PPFIBP2: variants seen among roughly 807,000 people sequenced by gnomAD.
PPFIBP2 encodes the protein PPFIB scaffold protein 2.
In PPFIBP2, 118 loss-of-function variants were observed where a neutral mutation model predicts 118.3. The ratio of observed to expected loss-of-function variants is 1.00; its 90% CI spans 0.86 to 1.16. The LOEUF (loss-of-function observed/expected upper bound fraction) is 1.16, where lower values mean the gene tolerates loss of function less well. Among genes scored for constraint, PPFIBP2 ranks in the 50% most tolerant of loss-of-function variants. The probability of loss-of-function intolerance (pLI) is 0.00; values close to 1 mark genes in which losing one functional copy is unlikely to be tolerated. For missense variants in PPFIBP2, 1,195 were observed against 1,073.1 expected (o/e 1.11, Z -1.59); for synonymous variants, 414 against 397.4 (o/e 1.04, Z -0.50).
Position 7,653,208 on chromosome 11 carries a change from A to T in PPFIBP2, c.2621A>T (p.Gln874Leu), listed in dbSNP as rs1195525730. ...CTGGATGGGCTGGACCAGGTGGGAC[A>T]GATTAGCTGATGCCCTTGTCACCTG... The part of the protein sequence containing the change: ...PELDGLDQVG[Q>L]IS The change falls in exon 24 of 24, where the codon CAG becomes CTG. Residue 874 changes from glutamine (Q) to leucine (L), a missense_variant. Gln to Leu is a moderately radical substitution (Grantham distance 113). Coordinates refer to ENST00000299492, the MANE Select transcript of PPFIBP2 (RefSeq NM_003621.5). The T allele has an allele frequency of 6.2e-7, 1 of 1,614,152 alleles. No homozygotes were observed. The highest frequency in any genetic ancestry group is 1.7e-5 in the Admixed American group (1 of 60,018).
chr11:7,655,217 T>A (rs1412377457), downstream of PPFIBP2, among the ~76,000 whole-genome samples: 1 of 152,180 alleles, frequency 6.6e-6, no homozygotes, highest in African/African-American at 2.4e-5. Flanking sequence ...GAGGTATGCA[T>A]GCAGTGTGGG....
chr11:7,626,408 A>G (rs925922107), intron 8 of PPFIBP2, among the ~76,000 whole-genome samples: 9 of 152,140 alleles, frequency 5.9e-5, no homozygotes, highest in Admixed American at 2.0e-4. Context: ...CCCTAACTCA[A>G]ATAGGTGCTC....
At chr11:7,603,783 T>C (rs1288630364) in intron 5 of PPFIBP2, among the ~76,000 whole-genome samples, 2 of 152,204 alleles carry the variant, frequency 1.3e-5, no homozygotes, top group Non-Finnish European at 2.9e-5. Context: ...GTGGCAGTTT[T>C]GTCCATTGAT....
At position 7,641,140 on chromosome 11, in the gene PPFIBP2, G is replaced by T; in HGVS notation, c.1376-339G>T. 1.0e-5 allele frequency: 12 copies of T among 1,188,942 alleles called. 1 individual carries two copies. The South Asian group carries it at 1.5e-4, about 15-fold the overall frequency. The allele number at this position is 1,188,942 out of a possible 1,614,324, so 73.6% of individuals were successfully genotyped here. A position where few individuals can be genotyped will look rare whatever the true frequency, so the allele number is the denominator to read the frequency against. Reference sequence around the variant, plus strand: ...CCTACCCTAACCCTCCCCTTCACCAGCACTCAGCCAGGGACCCACTACTGC... The same window carrying T: ...CCTACCCTAACCCTCCCCTTCACCATCACTCAGCCAGGGACCCACTACTGC... On this transcript the variant is annotated intron_variant, in intron 15 of 23. Coordinates refer to ENST00000299492, the MANE Select transcript of PPFIBP2 (RefSeq NM_003621.5).
intron 6 of PPFIBP2, among the ~76,000 whole-genome samples, chr11:7,614,045 G>T (rs59635304): frequency 6.6e-6 from 1 of 152,286 alleles, no homozygotes; most frequent in Admixed American, 6.5e-5. Flanking sequence ...AGGCAACAGA[G>T]TGATGGACTT....
intron 2 of PPFIBP2, among the ~76,000 whole-genome samples, chr11:7,556,194 G>A (rs1590223400): frequency 2.6e-5 from 4 of 152,282 alleles, no homozygotes; most frequent in African/African-American, 7.2e-5. Flanking sequence ...AGTGGCTAAC[G>A]CTTGTAATCC....
intron 1 of PPFIBP2, among the ~76,000 whole-genome samples, chr11:7,529,909 T>C (rs1376178308): frequency 1.3e-5 from 2 of 152,222 alleles, no homozygotes; most frequent in Non-Finnish European, 2.9e-5. Flanking sequence ...TGCCCTGTTT[T>C]GTCAGGTACT....
chr11:7,659,417 CTTGT>C (rs1274454933), downstream of PPFIBP2, among the ~76,000 whole-genome samples: 2 of 143,286 alleles, frequency 1.4e-5, no homozygotes, highest in East Asian at 4.0e-4. Context: ...TTCCCCATTG[CTTGT>C]TTTTCTCAGG....
At chr11:7,603,870 C>T (rs1319206120) in intron 5 of PPFIBP2, among the ~76,000 whole-genome samples, 7 of 152,154 alleles carry the variant, frequency 4.6e-5, no homozygotes, top group Non-Finnish European at 8.8e-5. Context: ...CCCAGACCAC[C>T]TCCCTCCTTA....
At chr11:7,527,344 G>A (rs2134307579) in intron 1 of PPFIBP2, among the ~76,000 whole-genome samples, 1 of 152,146 alleles carries the variant, frequency 6.6e-6, no homozygotes, top group African/African-American at 2.4e-5. Flanking sequence ...TGGCAAGAAT[G>A]GTAGGAAGAG....
chr11:7,555,655 G>T (rs1221183539), intron 2 of PPFIBP2, among the ~76,000 whole-genome samples: 1 of 152,180 alleles, frequency 6.6e-6, no homozygotes, highest in Admixed American at 6.5e-5. Flanking sequence ...TGTCTAAGGG[G>T]CAGAGCTATC....
At chr11:7,538,016 A>G (rs1445613723) in intron 1 of PPFIBP2, among the ~76,000 whole-genome samples, 1 of 152,236 alleles carries the variant, frequency 6.6e-6, no homozygotes, top group Admixed American at 6.5e-5. Context: ...TATCGAGAGC[A>G]GAAATAGGTG....
At chr11:7,580,010 C>A (rs76220158) in intron 3 of PPFIBP2, among the ~76,000 whole-genome samples, 1 of 152,180 alleles carries the variant, frequency 6.6e-6, no homozygotes, top group African/African-American at 2.4e-5. Context: ...GATGAGCCCC[C>A]CTGGACTCAC....
chr11:7,577,357 TG>T, intron 3 of PPFIBP2: 1 of 280,716 alleles, frequency 3.6e-6, no homozygotes, highest in Non-Finnish European at 7.0e-6. Context: ...GTGTGTTTGT[TG>T]GGGTGGTCGG....
intron 1 of PPFIBP2, among the ~76,000 whole-genome samples, chr11:7,533,031 C>G (rs997187357): frequency 8.5e-5 from 7 of 82,218 alleles, no homozygotes; most frequent in Admixed American, 2.1e-4. Flanking sequence ...CAATTCATAT[C>G]TGTTTTTTTT....
chr11:7,635,259 C>CCATAAAG (rs759087925), intron 13 of PPFIBP2, among the ~76,000 whole-genome samples: 7 of 152,112 alleles, frequency 4.6e-5, no homozygotes, highest in Non-Finnish European at 5.9e-5. Context: ...CAGTGGAGAA[C>CCATAAAG]CATAAAGGCT....
At chr11:7,589,612 A>C (rs72849651) in intron 3 of PPFIBP2, among the ~76,000 whole-genome samples, 46,808 of 142,390 alleles carry the variant, frequency 0.33, 7,653 homozygotes, top group East Asian at 0.41. Context: ...ACCCCCTCCC[A>C]AAAAAAAAAA....
At chr11:7,557,299 T>C (rs954135323) in intron 2 of PPFIBP2, among the ~76,000 whole-genome samples, 1 of 152,124 alleles carries the variant, frequency 6.6e-6, no homozygotes, top group Non-Finnish European at 1.5e-5. Flanking sequence ...TCCTTTTCTT[T>C]AAGGTTTTTA....
intron 2 of PPFIBP2, 91 bp downstream of exon 2, chr11:7,549,630 T>C: frequency 8.3e-7 from 1 of 1,205,914 alleles, no homozygotes; most frequent in Non-Finnish European, 1.1e-6. Context: ...TTTTTTGGCA[T>C]AGAGAAAATC....
Sources: gnomAD v4.1 joint callset for allele counts (sites outside exome capture counted in the v4.1 genomes callset) on GRCh38, gnomAD v4.1.1 for gene constraint, MANE v1.5 for transcripts, NCBI Gene and HGNC (gene_info 2026-07-23, HGNC 2026-07-21) for gene names.